The following KNTC1 variants were observed in gnomAD, a reference collection of about 807,000 sequenced individuals.
KNTC1 encodes the protein kinetochore-associated protein 1.
A neutral mutation model predicts 314.4 loss-of-function variants in KNTC1; 253 were observed. That is an observed-to-expected ratio of 0.80 (90% CI 0.73 to 0.89). The LOEUF is 0.89. KNTC1 is among the 40% of genes least tolerant of loss of function. The pLI is 0.00. For synonymous variants in KNTC1, 901 were observed against 901.4 expected (o/e 1.00, Z 0.01); for missense variants, 2,475 against 2,572.9 (o/e 0.96, Z 0.82).
chr12:122,552,658 G>A (rs1364382585), intron 16 of KNTC1, among the ~76,000 whole-genome samples: 1 of 152,162 alleles, frequency 6.6e-6, no homozygotes, highest in Non-Finnish European at 1.5e-5. Flanking sequence ...GCCACCACTT[G>A]TGGCCAGGAG....
At position 122,622,625 on chromosome 12, in the gene KNTC1, A is replaced by T; in HGVS notation, c.6515+18A>T. ...GACTTAAGGTAAGTTAATTAAAAAA[A>T]AAAAAACTTACTGTGGAATTTCCTT... On this transcript the variant is annotated intron_variant, in intron 62 of 63. Transcript: ENST00000333479. 6.0e-6 allele frequency: 9 copies of T among 1,497,216 alleles called. No individual in the cohort carries two copies. The highest frequency in any genetic ancestry group is 8.0e-6 in the Non-Finnish European group (9 of 1,123,276). 92.7% of individuals were successfully genotyped at this position (1,497,216 alleles called of 1,614,324 possible).
intron 40 of KNTC1, among the ~76,000 whole-genome samples, 180 bp downstream of exon 40, chr12:122,588,996 G>C (rs1227783964): frequency 6.6e-6 from 1 of 152,074 alleles, no homozygotes; most frequent in Non-Finnish European, 1.5e-5. Context: ...ACATGCTATA[G>C]AGCTTTTATG....
chr12:122,609,376 T>A lies in KNTC1; in HGVS notation c.5497-8T>A. 6.4e-7 allele frequency: 1 copy of A among 1,565,598 alleles called. No homozygotes were observed. Among genetic ancestry groups the A allele is most frequent in the Non-Finnish European group, 8.7e-7 (1 of 1,151,308 alleles). ...AGTTTTTGACCTTTTTTTCCTACCT[T>A]TTCAAAGAAACCATCAGAATTATTT... On this transcript the variant is annotated splice_region_variant and splice_polypyrimidine_tract_variant and intron_variant, in intron 51 of 63. Transcript: ENST00000333479.
intron 19 of KNTC1, 130 bp downstream of exon 19, chr12:122,562,104 T>C: frequency 3.5e-6 from 3 of 859,606 alleles, no homozygotes; most frequent in Non-Finnish European, 5.4e-6. Flanking sequence ...ATCTGCAAAA[T>C]GGTAATATTA....
chr12:122,562,044 T>G lies in KNTC1; in HGVS notation c.1542+70T>G, dbSNP rs969011424. 2.1e-6 allele frequency: 3 copies of G among 1,445,396 alleles called. No homozygotes were observed. In the African/African-American group the frequency reaches 4.3e-5, roughly 21 times the overall value. The allele number at this position is 1,445,396 out of a possible 1,614,324, so 89.5% of individuals were successfully genotyped here. A position where few individuals can be genotyped will look rare whatever the true frequency, so the allele number is the denominator to read the frequency against. ...TTTATAATATGTTTTCCATTCAAAATAGACCCGTATTTTATCAAGAGCAAG... is the reference window on the plus strand; with the variant it reads ...TTTATAATATGTTTTCCATTCAAAAGAGACCCGTATTTTATCAAGAGCAAG... On this transcript the variant is annotated intron_variant, in intron 19 of 63. Transcript: ENST00000333479.
At chr12:122,601,878 G>A (rs1038494088) in intron 45 of KNTC1, 1 of 286,802 alleles carries the variant, frequency 3.5e-6, no homozygotes, top group Non-Finnish European at 6.4e-6. Flanking sequence ...TCCTGCTGTC[G>A]AAGAGTATGA....
In KNTC1 at chr12:122,585,792, CATT is replaced by C. The variant is rs761233642; in HGVS notation, c.3673+22_3673+24del. On this transcript the variant is annotated intron_variant, in intron 37 of 63. Transcript: ENST00000333479. ...TCTAGCTGGTAAGTCTTATTTGTAT[CATT>C]ATTTTCTATGTGTTTCTGTCTTATG... The C allele has an allele frequency of 2.7e-5, 44 of 1,610,220 alleles. No homozygotes were observed. The highest frequency in any genetic ancestry group is 3.4e-5 in the Non-Finnish European group (40 of 1,176,836).
chr12:122,603,593 A>G (rs569472263), intron 48 of KNTC1, among the ~76,000 whole-genome samples: 2 of 152,150 alleles, frequency 1.3e-5, no homozygotes, highest in East Asian at 1.9e-4. Flanking sequence ...CCCGGGTTCA[A>G]GTGATTCTCC....
intron 33 of KNTC1, among the ~76,000 whole-genome samples, chr12:122,582,500 A>G (rs1868560141): frequency 6.6e-6 from 1 of 152,044 alleles, no homozygotes; most frequent in Admixed American, 6.6e-5. Flanking sequence ...TCGAAAAACT[A>G]CGCATCAGGT....
At chr12:122,595,032 C>T (rs529235743) in intron 43 of KNTC1, among the ~76,000 whole-genome samples, 5 of 152,262 alleles carry the variant, frequency 3.3e-5, no homozygotes, top group Non-Finnish European at 5.9e-5. Context: ...TGCACCACCA[C>T]GCCTGGCTAA....
chr12:122,563,396 G>T (rs1279608634), intron 20 of KNTC1, among the ~76,000 whole-genome samples: 1 of 152,068 alleles, frequency 6.6e-6, no homozygotes, highest in African/African-American at 2.4e-5. Context: ...TGGTTCTGTA[G>T]CTGACATTAC....
intron 18 of KNTC1, among the ~76,000 whole-genome samples, chr12:122,560,979 G>A (rs1963927185): frequency 6.6e-6 from 1 of 152,124 alleles, no homozygotes; most frequent in Admixed American, 6.6e-5. Context: ...GATACCGTTT[G>A]TATATATTAG....
chr12:122,545,964 A>AAG (rs1962728528), intron 8 of KNTC1, among the ~76,000 whole-genome samples: 1 of 151,628 alleles, frequency 6.6e-6, no homozygotes, highest in African/African-American at 2.4e-5. Context: ...AAAAAAAAAA[A>AAG]AATTGTAATA....
chr12:122,550,824 T>C (rs1259657000), intron 13 of KNTC1, among the ~76,000 whole-genome samples: 1 of 152,226 alleles, frequency 6.6e-6, no homozygotes, highest in African/African-American at 2.4e-5. Context: ...TTTTAAGACA[T>C]TGACAGTTTT....
chr12:122,587,817 T>C lies in KNTC1; in HGVS notation c.3837T>C (p.Phe1279=), dbSNP rs777064738. 6.2e-7 allele frequency: 1 copy of C among 1,613,916 alleles called. No homozygotes were observed. The highest frequency in any genetic ancestry group is 8.5e-7 in the Non-Finnish European group (1 of 1,179,860). The change falls in exon 39 of 64, where the codon TTT becomes TTC. Residue 1279 remains phenylalanine, a synonymous_variant. Coordinates refer to ENST00000333479, the MANE Select transcript of KNTC1 (RefSeq NM_014708.6). ...CCCTAAGATTTGTGGTTGGTTCATTTGGTACCTGTCTTCAGCACTCTGTGT... is the reference window on the plus strand; with the variant it reads ...CCCTAAGATTTGTGGTTGGTTCATTCGGTACCTGTCTTCAGCACTCTGTGT... ...ELALRFVVGS[F]GTCLQHSVSN...
chr12:122,578,707 A>G (rs1245910821), intron 31 of KNTC1, among the ~76,000 whole-genome samples: 2 of 152,146 alleles, frequency 1.3e-5, no homozygotes, highest in African/African-American at 4.8e-5. Flanking sequence ...GGTGTGAGCC[A>G]CCACACTTGG....
chr12:122,579,903 A>G lies in KNTC1; in HGVS notation c.2842-2A>G. The G allele has an allele frequency of 6.2e-7, 1 of 1,600,484 alleles. No homozygotes were observed. The highest frequency in any genetic ancestry group is 1.1e-5 in the South Asian group (1 of 90,598). ...TATTTCGCTTTATTTATTTATTTTT[A>G]GGGCAAGGCCTGGAGAATGTCTGTA... On this transcript the variant is annotated splice_acceptor_variant, in intron 31 of 63. Transcript: ENST00000333479. LOFTEE classifies it high-confidence loss of function.
intron 21 of KNTC1, 128 bp from the exon 22 acceptor site, chr12:122,569,553 C>T (rs754394623): frequency 4.0e-4 from 298 of 746,316 alleles, no homozygotes; most frequent in Non-Finnish European, 5.9e-4. Flanking sequence ...GTGTGAATCT[C>T]CTTTAGCACT....
chr12:122,554,076 A>AAATATATATATATAT (rs370146333), intron 16 of KNTC1, among the ~76,000 whole-genome samples: 16 of 109,050 alleles, frequency 1.5e-4, no homozygotes, highest in African/African-American at 5.4e-4. Flanking sequence ...AAAAAAAAAA[A>AAATATATATATATAT]ATATATATAT....
Sources: gnomAD v4.1 joint callset for allele counts (sites outside exome capture counted in the v4.1 genomes callset) on GRCh38, gnomAD v4.1.1 for gene constraint, MANE v1.5 for transcripts, NCBI Gene and HGNC (gene_info 2026-07-23, HGNC 2026-07-21) for gene names.